Variants in DCDC2 observed in about 807,000 individuals in gnomAD.
The protein encoded by DCDC2 is doublecortin domain-containing protein 2.
A neutral mutation model predicts 50.2 loss-of-function variants in DCDC2; 40 were observed. The ratio of observed to expected loss-of-function variants is 0.80; its 90% CI spans 0.62 to 1.04. DCDC2 has a LOEUF of 1.04. Ranked by LOEUF, DCDC2 falls within the 50% of genes least tolerant of loss-of-function variation. The probability of loss-of-function intolerance (pLI) is 0.00; values close to 1 mark genes in which losing one functional copy is unlikely to be tolerated. For synonymous variants in DCDC2, 234 were observed against 210.6 expected, an observed-to-expected ratio of 1.11 and a Z score of -0.96; for missense variants, 570 against 581.9, an observed-to-expected ratio of 0.98 and a Z score of 0.21.
chr6:24,185,199 C>A (rs1246631425), intron 8 of DCDC2, among the ~76,000 whole-genome samples: 1 of 152,110 alleles, frequency 6.6e-6, no homozygotes, highest in Non-Finnish European at 1.5e-5. Flanking sequence ...ACCCTAATTT[C>A]TTTCTAGGAA....
At chr6:24,358,672 A>G (rs1760530012), upstream of DCDC2, among the ~76,000 whole-genome samples, 1 of 129,852 alleles carries the variant, frequency 7.7e-6, no homozygotes, top group African/African-American at 2.9e-5. Context: ...ACACAGCAAG[A>G]CCCTGTCTTA....
chr6:24,259,460 T>C (rs1762963852), intron 7 of DCDC2, among the ~76,000 whole-genome samples: 1 of 152,162 alleles, frequency 6.6e-6, no homozygotes, highest in Admixed American at 6.5e-5. Flanking sequence ...TGTGAAAAAG[T>C]ATATGAAAAT....
At chr6:24,306,539 T>TAGAGAGACAGAC (rs1276949309) in intron 2 of DCDC2, among the ~76,000 whole-genome samples, 17 of 108,514 alleles carry the variant, frequency 1.6e-4, no homozygotes, top group African/African-American at 5.6e-4. Context: ...GATAGATAGA[T>TAGAGAGACAGAC]AGATAGACAG....
chr6:24,335,185 G>A (rs1161418000), intron 2 of DCDC2, among the ~76,000 whole-genome samples: 1 of 152,132 alleles, frequency 6.6e-6, no homozygotes, highest in Non-Finnish European at 1.5e-5. Flanking sequence ...TTTGCTGAAG[G>A]ATCCTACAAT....
At chr6:24,179,933 G>A (rs535626022) in intron 8 of DCDC2, among the ~76,000 whole-genome samples, 77 of 98,210 alleles carry the variant, frequency 7.8e-4, no homozygotes, top group Admixed American at 7.3e-3. Flanking sequence ...CAGCCTGGGC[G>A]ACAGAGCAAG....
At chr6:24,219,899 G>A (rs953154996) in intron 7 of DCDC2, among the ~76,000 whole-genome samples, 9 of 152,186 alleles carry the variant, frequency 5.9e-5, no homozygotes, top group Admixed American at 2.0e-4. Context: ...GCCCCTAGAG[G>A]CCACACTTTC....
At chr6:24,367,321 C>A in the DCDC2 span, among the ~76,000 whole-genome samples, 4 of 152,204 alleles carry the variant, frequency 2.6e-5, no homozygotes, top group African/African-American at 9.6e-5. Flanking sequence ...GGGACAGAGA[C>A]ACAAGAGATA....
intron 7 of DCDC2, among the ~76,000 whole-genome samples, chr6:24,241,873 T>C (rs1488479797): frequency 3.9e-5 from 6 of 152,220 alleles, no homozygotes; most frequent in Non-Finnish European, 8.8e-5. Flanking sequence ...AAATACAATA[T>C]TCTCAAAAAG....
At chr6:24,310,912 T>C (rs1357794856) in intron 2 of DCDC2, among the ~76,000 whole-genome samples, 4 of 152,128 alleles carry the variant, frequency 2.6e-5, no homozygotes, top group Non-Finnish European at 4.4e-5. Flanking sequence ...ATTTTATCTG[T>C]CCCCTTCTTA....
intron 8 of DCDC2, among the ~76,000 whole-genome samples, chr6:24,195,055 C>T (rs569254591): frequency 6.6e-6 from 1 of 152,098 alleles, no homozygotes; most frequent in South Asian, 2.1e-4. Context: ...ATGCAAATAC[C>T]CCTGTATGTG....
chr6:24,220,869 C>CGCG, intron 7 of DCDC2, among the ~76,000 whole-genome samples: 1 of 133,556 alleles, frequency 7.5e-6, no homozygotes, highest in African/African-American at 3.5e-5. Flanking sequence ...AGACAGAGAG[C>CGCG]AAGAGAGCGA....
rs759108050 is a variant in DCDC2, at chr6:24,173,333, T to C, written c.*1397A>G. 26 of 152,258 alleles carry C rather than the reference T, an allele frequency of 1.7e-4. No individual in the cohort carries two copies. The highest frequency in any genetic ancestry group is 3.4e-3 in the Middle Eastern group (1 of 294). The allele number at this position is 152,258 out of a possible 1,614,324, so 9.4% of individuals were successfully genotyped here. On this transcript the variant is annotated 3_prime_UTR_variant, in exon 10 of 10. Transcript: ENST00000378454. ...GCTTTATATAACTGCCAACTCTTTA[T>C]TCCAAATGAAACCTGGAAGAGAAAA...
intron 7 of DCDC2, among the ~76,000 whole-genome samples, chr6:24,245,125 T>C (rs182664488): frequency 2.6e-5 from 4 of 152,238 alleles, no homozygotes; most frequent in Admixed American, 2.0e-4. Flanking sequence ...ACCCGGGAGA[T>C]AGAGGTTGCA....
chr6:24,192,910 T>C (rs1343624), intron 8 of DCDC2, among the ~76,000 whole-genome samples: 133,893 of 151,934 alleles, frequency 0.88, 59,177 homozygotes, highest in African/African-American at 0.91. Flanking sequence ...CCATTGAGTA[T>C]CCAGTCCAAT....
rs1313039709 is a variant in DCDC2, at chr6:24,205,110, G to C, written c.923-8C>G. On this transcript the variant is annotated splice_region_variant and splice_polypyrimidine_tract_variant and intron_variant, in intron 7 of 9. Coordinates refer to ENST00000378454, the MANE Select transcript of DCDC2 (RefSeq NM_016356.5). Reference sequence around the variant, plus strand: ...CTTTGAAAATGCCTTCATCTATTGAGACAAACACACAGTGAAAATCAAAAT... The same window carrying C: ...CTTTGAAAATGCCTTCATCTATTGACACAAACACACAGTGAAAATCAAAAT... 6.2e-6 allele frequency: 10 copies of C among 1,614,116 alleles called. No individual in the cohort carries two copies. The highest frequency in any genetic ancestry group is 4.2e-6 in the Non-Finnish European group (5 of 1,180,008).
chr6:24,359,380 T>C (rs1254323404), upstream of DCDC2, among the ~76,000 whole-genome samples: 31 of 74,624 alleles, frequency 4.2e-4, 1 homozygote, highest in African/African-American at 1.7e-3. Flanking sequence ...TATATATATT[T>C]TATATATTAT....
intron 2 of DCDC2, among the ~76,000 whole-genome samples, chr6:24,349,386 C>A (rs1170123880): frequency 6.6e-6 from 1 of 152,124 alleles, no homozygotes; most frequent in African/African-American, 2.4e-5. Context: ...TATAGGCATT[C>A]AATAACATGG....
chr6:24,318,124 G>A, intron 2 of DCDC2, among the ~76,000 whole-genome samples: 1 of 151,972 alleles, frequency 6.6e-6, no homozygotes, highest in East Asian at 1.9e-4. Flanking sequence ...CCCATCTTTT[G>A]GCCCAGCAAT....
At chr6:24,326,779 A>G (rs1267272984) in intron 2 of DCDC2, among the ~76,000 whole-genome samples, 1 of 147,648 alleles carries the variant, frequency 6.8e-6, no homozygotes. Flanking sequence ...GGATTCCCTG[A>G]GCCTGGGAGA....
Sources: allele counts gnomAD v4.1 joint callset (sites outside exome capture counted in the v4.1 genomes callset), GRCh38; gene constraint gnomAD v4.1.1; transcripts MANE v1.5; gene names NCBI Gene and HGNC (gene_info 2026-07-23, HGNC 2026-07-21).